Variants in DRAXIN observed in about 807,000 individuals in gnomAD.
DRAXIN encodes the protein dorsal repulsive axon guidance protein.
Under a neutral mutation model 33.9 loss-of-function variants are expected in DRAXIN, and 27 were observed. The observed-to-expected ratio is 0.80, with a 90% CI of 0.59 to 1.10. The LOEUF (loss-of-function observed/expected upper bound fraction) is 1.10, where lower values mean the gene tolerates loss of function less well. Among genes scored for constraint, DRAXIN ranks in the 50% least tolerant of loss-of-function variants. The pLI is 0.00. For missense variants in DRAXIN, 371 were observed against 460.8 expected (o/e 0.81, Z 1.78); for synonymous variants, 178 against 194.0 (o/e 0.92, Z 0.69).
Position 11,709,443 on chromosome 1 carries a change from C to G in DRAXIN, c.620C>G (p.Pro207Arg). Residue 207 changes from proline to arginine, a missense_variant, in exon 3 of 7, where the codon CCC (proline) becomes CGC (arginine). Coordinates refer to ENST00000294485, the MANE Select transcript of DRAXIN (RefSeq NM_198545.4). ...GCCACAGAAGAGTCCCTGATCCTGC[C>G]CGTCACCTCCCTGCGGCCCCAGGTA... is the stretch of plus-strand genomic sequence containing the variant. ...APATEESLIL[P>R]VTSLRPQQAQ... The G allele has an allele frequency of 6.2e-7, 1 of 1,613,662 alleles. No homozygotes were observed. Among genetic ancestry groups the G allele is most frequent in the Non-Finnish European group, 8.5e-7 (1 of 1,179,824 alleles).
rs1386229112 is a variant in DRAXIN, at chr1:11,723,319, G to A, written c.*3623G>A. 1.3e-5 allele frequency: 2 copies of A among 152,204 alleles called. No homozygotes were observed. The highest frequency in any genetic ancestry group is 3.9e-4 in the East Asian group (2 of 5,182). The allele number at this position is 152,204 out of a possible 1,614,324, so 9.4% of individuals were successfully genotyped here. A position where few individuals can be genotyped will look rare whatever the true frequency, so the allele number is the denominator to read the frequency against. On this transcript the variant is annotated 3_prime_UTR_variant, in exon 7 of 7. Coordinates refer to ENST00000294485, the MANE Select transcript of DRAXIN (RefSeq NM_198545.4). ...TAATCCAGGAACATTCACAGGCCTG[G>A]GGCCCACCCACAAAGCTTCTGTTTT... is the stretch of plus-strand genomic sequence containing the variant.
In DRAXIN at chr1:11,715,075, G is replaced by A. The variant is rs531095495; in HGVS notation, c.848-44G>A. The A allele has an allele frequency of 8.6e-4, 1,386 of 1,606,586 alleles. 27 individuals carry two copies. The South Asian group carries it at 0.015, about 17-fold the overall frequency. ...GACCGAGTGCAGGGCTGCGGGGAGG[G>A]GCGGCTCAGCTTGGCTGACTGCGTG... On this transcript the variant is annotated intron_variant, in intron 5 of 6. Coordinates refer to ENST00000294485, the MANE Select transcript of DRAXIN (RefSeq NM_198545.4).
chr1:11,689,613 G>C (rs1031001609), upstream of DRAXIN, among the ~76,000 whole-genome samples: 1 of 152,124 alleles, frequency 6.6e-6, no homozygotes, highest in Non-Finnish European at 1.5e-5. Flanking sequence ...AACAAAAGGC[G>C]GGGGGAGGGG....
chr1:11,711,189 C>T (rs1641489753), intron 3 of DRAXIN, among the ~76,000 whole-genome samples: 4 of 152,168 alleles, frequency 2.6e-5, no homozygotes, highest in Admixed American at 2.6e-4. Context: ...TTTTTGGGGT[C>T]TTGCACCCCC....
At position 11,694,475 on chromosome 1, in the gene DRAXIN, G is replaced by C. The variant is rs1414165760; in HGVS notation, c.-11+2622G>C. ...GTTATAGGGGTAGAAACTGAGACCA[G>C]AGAACGAAGTGGCTCACCCCAGCCG... On this transcript the variant is annotated intron_variant, in intron 1 of 6. Coordinates refer to ENST00000294485, the MANE Select transcript of DRAXIN (RefSeq NM_198545.4). The surrounding 1 kb of genome is among the most constrained non-coding windows in gnomAD (Gnocchi z 4.9). 2.0e-5 allele frequency among the ~76,000 whole-genome samples: 3 copies of C among 152,132 alleles called. No individual in the cohort carries two copies. Among genetic ancestry groups the C allele is most frequent in the East Asian group, 1.9e-4 (1 of 5,188 alleles).
At chr1:11,690,486 T>G (rs1641040543), upstream of DRAXIN, among the ~76,000 whole-genome samples, 1 of 152,186 alleles carries the variant, frequency 6.6e-6, no homozygotes, top group South Asian at 2.1e-4. The surrounding 1 kb of genome is among the most constrained non-coding windows in gnomAD (Gnocchi z 4.2). Flanking sequence ...GGTATAATCA[T>G]GAGCTCAGAG....
chr1:11,702,397 TCA>T (rs200364959), intron 1 of DRAXIN, among the ~76,000 whole-genome samples: 2,424 of 139,300 alleles, frequency 0.017, 57 homozygotes, highest in African/African-American at 0.063. Context: ...TTACACATCA[TCA>T]CACACACGCT....
intron 1 of DRAXIN, among the ~76,000 whole-genome samples, chr1:11,703,125 G>A (rs552120273): frequency 6.6e-6 from 1 of 152,350 alleles, no homozygotes; most frequent in South Asian, 2.1e-4. Flanking sequence ...GGCCCTGGAG[G>A]GGCCGCAGAG....
Position 11,722,163 on chromosome 1 carries a change from G to A in DRAXIN, c.*2467G>A, listed in dbSNP as rs1016798238. On this transcript the variant is annotated 3_prime_UTR_variant, in exon 7 of 7. Coordinates refer to ENST00000294485, the MANE Select transcript of DRAXIN (RefSeq NM_198545.4). Reference sequence around the variant, plus strand: ...ATGTAAAAAGGCAGATCTGCCAGCAGCTTCGTACTTGAGACCAGACAACCC... The same window carrying A: ...ATGTAAAAAGGCAGATCTGCCAGCAACTTCGTACTTGAGACCAGACAACCC... The A allele has an allele frequency of 1.3e-5, 2 of 152,240 alleles. No individual in the cohort carries two copies. The highest frequency in any genetic ancestry group is 4.8e-5 in the African/African-American group (2 of 41,448). The allele number at this position is 152,240 out of a possible 1,614,324, so 9.4% of individuals were successfully genotyped here. A position where few individuals can be genotyped will look rare whatever the true frequency, so the allele number is the denominator to read the frequency against.
chr1:11,688,396 C>T (rs561583893), upstream of DRAXIN, among the ~76,000 whole-genome samples: 11 of 152,188 alleles, frequency 7.2e-5, no homozygotes, highest in African/African-American at 2.6e-4. The surrounding 1 kb of genome is among the most constrained non-coding windows in gnomAD (Gnocchi z 4.6). Flanking sequence ...TCTGTCTCTA[C>T]TAAAAATACA....
upstream of DRAXIN, among the ~76,000 whole-genome samples, chr1:11,690,929 A>AGTGTGT (rs57223755): frequency 6.6e-6 from 1 of 150,552 alleles, no homozygotes; most frequent in African/African-American, 2.4e-5. The surrounding 1 kb of genome is among the most constrained non-coding windows in gnomAD (Gnocchi z 4.2). Context: ...GCCGCGTGTG[A>AGTGTGT]GTGTGTGTGT....
intron 6 of DRAXIN, among the ~76,000 whole-genome samples, chr1:11,717,661 CAA>C (rs34363083): frequency 2.4e-4 from 30 of 124,104 alleles, no homozygotes; most frequent in Non-Finnish European, 4.8e-4. Flanking sequence ...GACTCCGTCT[CAA>C]AAAAAAAAAA....
intron 4 of DRAXIN, 22 bp downstream of exon 4, chr1:11,711,987 T>C (rs1641501501): frequency 1.9e-6 from 3 of 1,599,216 alleles, no homozygotes; most frequent in African/African-American, 2.7e-5. Context: ...TACCCCACTA[T>C]CTTCCATGCC....
chr1:11,714,170 A>G (rs1382471219), intron 5 of DRAXIN, among the ~76,000 whole-genome samples: 1 of 151,660 alleles, frequency 6.6e-6, no homozygotes, highest in African/African-American at 2.4e-5. Context: ...GCACCACTGT[A>G]CTCCAGCTTG....
Position 11,692,588 on chromosome 1 carries a change from G to C in DRAXIN, c.-11+735G>C, listed in dbSNP as rs1371329615. ...CTCGTCAAGGGTCTCAGCCGCCTTC[G>C]GGGCCGGGGTATGAGATGAGAGAGG... is the stretch of plus-strand genomic sequence containing the variant. On this transcript the variant is annotated intron_variant, in intron 1 of 6. Coordinates refer to ENST00000294485, the MANE Select transcript of DRAXIN (RefSeq NM_198545.4). The surrounding 1 kb of genome is among the most constrained non-coding windows in gnomAD (Gnocchi z 5.8). Among the ~76,000 whole-genome samples, 1 of 152,182 alleles carries C rather than the reference G, an allele frequency of 6.6e-6. No individual in the cohort carries two copies. Among genetic ancestry groups the C allele is most frequent in the Admixed American group, 6.5e-5 (1 of 15,276 alleles).
intron 1 of DRAXIN, among the ~76,000 whole-genome samples, chr1:11,695,639 G>A (rs938140314): frequency 6.6e-6 from 1 of 151,256 alleles, no homozygotes; most frequent in African/African-American, 2.4e-5. Context: ...TACTTCAAAG[G>A]GTCAAGTTAA....
rs555257576 is a variant in DRAXIN, at chr1:11,698,976, C to T, written c.-11+7123C>T. On this transcript the variant is annotated intron_variant, in intron 1 of 6. Transcript: ENST00000294485. ...GGATACAATTCCTCCCCACAGAGCT[C>T]CTAGGTTGGGAGTATCCGGAAGGGA... 2.0e-3 allele frequency among the ~76,000 whole-genome samples: 300 copies of T among 152,304 alleles called. 2 individuals carry two copies. Among genetic ancestry groups the T allele is most frequent in the African/African-American group, 7.0e-3 (293 of 41,566 alleles).
rs772548093 is a variant in DRAXIN at position 11,706,221 on chromosome 1, C to T, written c.-10-28C>T. The T allele has an allele frequency of 1.2e-5, 18 of 1,502,206 alleles. No individual in the cohort carries two copies. Among genetic ancestry groups the T allele is most frequent in the African/African-American group, 8.4e-5 (6 of 71,798 alleles). 93.1% of individuals were successfully genotyped at this position (1,502,206 alleles called of 1,614,324 possible). A position where few individuals can be genotyped will look rare whatever the true frequency, so the allele number is the denominator to read the frequency against. ...GGCAGCAGAGAGAGGCCTGGGGCTG[C>T]GCATTCATGGTGTTGCTCTTCTTGC... On this transcript the variant is annotated intron_variant, in intron 1 of 6. Transcript: ENST00000294485. The surrounding 1 kb of genome is among the most constrained non-coding windows in gnomAD (Gnocchi z 5.5).
At position 11,719,834 on chromosome 1, in the gene DRAXIN, AG is replaced by A; in HGVS notation, c.*142del. 1.2e-6 allele frequency: 1 copy of A among 800,106 alleles called. No individual in the cohort carries two copies. The highest frequency in any genetic ancestry group is 2.0e-6 in the Non-Finnish European group (1 of 493,746). 49.6% of individuals were successfully genotyped at this position (800,106 alleles called of 1,614,324 possible). On this transcript the variant is annotated 3_prime_UTR_variant, in exon 7 of 7. Coordinates refer to ENST00000294485, the MANE Select transcript of DRAXIN (RefSeq NM_198545.4). Reference sequence around the variant, plus strand: ...CAGGCCCAGGACACTCAACCCCAGGAGGGGAGCCGCTCGGCGAATGAGCTGG... The same window carrying A: ...CAGGCCCAGGACACTCAACCCCAGGAGGGAGCCGCTCGGCGAATGAGCTGG...
Sources: allele counts gnomAD v4.1 joint callset (sites outside exome capture counted in the v4.1 genomes callset), GRCh38; gene constraint gnomAD v4.1.1; non-coding constraint Gnocchi (gnomAD v3.1); transcripts MANE v1.5; gene names NCBI Gene and HGNC (gene_info 2026-07-23, HGNC 2026-07-21).